Variants in TNRC6B observed in about 807,000 individuals in gnomAD.
TNRC6B encodes trinucleotide repeat containing adaptor 6B, also known as trinucleotide repeat-containing gene 6B protein.
TNRC6B carries 52 observed loss-of-function variants against 203.6 expected under a neutral mutation model. The ratio of observed to expected loss-of-function variants is 0.26; its 90% CI spans 0.20 to 0.32. The LOEUF is 0.32. Ranked by LOEUF, TNRC6B falls within the 10% of genes least tolerant of loss-of-function variation. The pLI is 1.00. For synonymous variants in TNRC6B, 838 were observed against 845.7 expected, an observed-to-expected ratio of 0.99 and a Z score of 0.16; for missense variants, 1,923 against 2,286.2, an observed-to-expected ratio of 0.84 and a Z score of 3.24.
At chr22:40,290,814 A>G (rs553250326) in intron 12 of TNRC6B, among the ~76,000 whole-genome samples, 2 of 152,268 alleles carry the variant, frequency 1.3e-5, no homozygotes, top group East Asian at 1.9e-4. Flanking sequence ...CGGTGACTAT[A>G]TATCAAGTCA....
In TNRC6B at chr22:40,105,413, A is replaced by G. The variant is rs149778826; in HGVS notation, c.-120-11642A>G. Among the ~76,000 whole-genome samples, 422 of 152,318 alleles carry G rather than the reference A, an allele frequency of 2.8e-3. 1 individual carries two copies. The highest frequency in any genetic ancestry group is 0.017 in the Middle Eastern group (5 of 292). ...TATAGCGGCCCAACAGCCCCTTCTT[A>G]GTGACCTTCACTAGTCACAGTCCTT... On this transcript the variant is annotated intron_variant, in intron 1 of 23. Coordinates refer to the TNRC6B transcript ENST00000301923.
At chr22:40,220,860 CGTT>C (rs889689440) in intron 1 of TNRC6B, among the ~76,000 whole-genome samples, 10 of 152,056 alleles carry the variant, frequency 6.6e-5, no homozygotes, top group Non-Finnish European at 5.9e-5. Flanking sequence ...AGACTGGACT[CGTT>C]GGTCTAATTT....
chr22:40,065,354 C>T (rs1255273864), intron 1 of TNRC6B, among the ~76,000 whole-genome samples: 1 of 152,078 alleles, frequency 6.6e-6, no homozygotes, highest in Non-Finnish European at 1.5e-5. Flanking sequence ...CTATTTTGCC[C>T]AGGCTGGTCT....
At position 40,132,981 on chromosome 22, in the gene TNRC6B, T is replaced by A. The variant is rs1401543577; in HGVS notation, c.45+7119T>A. On this transcript the variant is annotated intron_variant, in intron 3 of 23. Transcript: ENST00000301923. ...AAAAAAAAAAAAAAATATATATATATATATATATATTCTGTAAAATCCGGA... is the reference window on the plus strand; with the variant it reads ...AAAAAAAAAAAAAAATATATATATAAATATATATATTCTGTAAAATCCGGA... Among the ~76,000 whole-genome samples, 5 of 124,158 alleles carry A rather than the reference T, an allele frequency of 4.0e-5. 1 individual carries two copies. Among genetic ancestry groups the A allele is most frequent in the East Asian group, 2.6e-4 (1 of 3,918 alleles). The allele number at this position is 124,158 out of a possible 152,430, so 81.5% of individuals were successfully genotyped here.
intron 1 of TNRC6B, among the ~76,000 whole-genome samples, chr22:40,058,101 C>T (rs1178750202): frequency 3.3e-5 from 5 of 152,226 alleles, no homozygotes; most frequent in Admixed American, 2.0e-4. Context: ...GGCCACAATA[C>T]TTACTGATTC....
chr22:40,194,084 T>C (rs1282881241), intron 1 of TNRC6B, among the ~76,000 whole-genome samples: 1 of 152,116 alleles, frequency 6.6e-6, no homozygotes, highest in Non-Finnish European at 1.5e-5. Flanking sequence ...GCAAGGTCTT[T>C]GGAGAATGCT....
chr22:40,290,201 C>T (rs574159481), intron 12 of TNRC6B, among the ~76,000 whole-genome samples: 15 of 152,256 alleles, frequency 9.9e-5, no homozygotes, highest in Non-Finnish European at 1.8e-4. Context: ...GAAATGTGGC[C>T]GCTGGACTGG....
intron 1 of TNRC6B, among the ~76,000 whole-genome samples, chr22:40,203,873 T>C (rs140363892): frequency 1.2e-4 from 18 of 152,294 alleles, no homozygotes; most frequent in African/African-American, 3.9e-4. Flanking sequence ...GAGGAGGGTG[T>C]CCAGCATCGG....
At chr22:40,269,227 G>A (rs541871986) in intron 5 of TNRC6B, among the ~76,000 whole-genome samples, 7 of 143,638 alleles carry the variant, frequency 4.9e-5, no homozygotes, top group African/African-American at 1.3e-4. Context: ...TCCACCTCCC[G>A]GGTTCAAGTG....
intron 3 of TNRC6B, among the ~76,000 whole-genome samples, chr22:40,140,341 T>C (rs1185297460): frequency 6.6e-6 from 1 of 152,230 alleles, no homozygotes; most frequent in Non-Finnish European, 1.5e-5. Flanking sequence ...GTCAAAGAGA[T>C]GTAAGCAGGA....
chr22:40,179,057 G>A (rs1341617034), intron 1 of TNRC6B, among the ~76,000 whole-genome samples: 2 of 152,200 alleles, frequency 1.3e-5, no homozygotes, highest in South Asian at 2.1e-4. Flanking sequence ...GTGGTTGCCT[G>A]TTTCGGCCAT....
At chr22:40,240,831 G>A (rs983642660) in intron 1 of TNRC6B, among the ~76,000 whole-genome samples, 3 of 151,990 alleles carry the variant, frequency 2.0e-5, no homozygotes, top group Non-Finnish European at 4.4e-5. Flanking sequence ...TATTGTTGTT[G>A]TTTGTTTTGG....
At position 40,301,306 on chromosome 22, in the gene TNRC6B, A is replaced by C. The variant is rs2071020021; in HGVS notation, c.4093A>C (p.Lys1365Gln). ...TGTGGGGCTCCCAGACCTTCAAACC[A>C]AAGGGCCAATACCTGGATATGGTTC... ...LNVGLPDLQTKGPIPGYGSGF... is the reference protein window; with the variant it reads ...LNVGLPDLQTQGPIPGYGSGF... The change falls in exon 15 of 23, where the codon AAA becomes CAA. Residue 1365 changes from lysine (K) to glutamine (Q), a missense_variant. Lys to Gln is a moderately conservative substitution (Grantham distance 53, BLOSUM62 1). Around this residue, in one of 8 missense-constraint regions of TNRC6B, gnomAD observed 242 missense variants for 399.5 expected, o/e 0.61. Transcript: ENST00000454349. The C allele has an allele frequency of 6.2e-7, 1 of 1,606,248 alleles. No homozygotes were observed. The highest frequency in any genetic ancestry group is 8.5e-7 in the Non-Finnish European group (1 of 1,175,956).
At chr22:40,245,266 T>A (rs899152945) in intron 1 of TNRC6B, among the ~76,000 whole-genome samples, 2 of 151,870 alleles carry the variant, frequency 1.3e-5, no homozygotes, top group African/African-American at 2.4e-5. Flanking sequence ...AATTTTTGTA[T>A]TTTTAGTAGA....
At chr22:40,204,475 G>A (rs1364208344) in intron 1 of TNRC6B, among the ~76,000 whole-genome samples, 1 of 152,170 alleles carries the variant, frequency 6.6e-6, no homozygotes, top group Non-Finnish European at 1.5e-5. Context: ...ACATTTTCCT[G>A]GCTACGGGCT....
At chr22:40,058,254 C>A (rs1201865390) in intron 1 of TNRC6B, among the ~76,000 whole-genome samples, 1 of 151,976 alleles carries the variant, frequency 6.6e-6, no homozygotes, top group Non-Finnish European at 1.5e-5. Flanking sequence ...AAAACATAAA[C>A]GGTAAAAAAG....
At chr22:40,207,921 G>T (rs1012027556) in intron 1 of TNRC6B, among the ~76,000 whole-genome samples, 6 of 151,896 alleles carry the variant, frequency 4.0e-5, no homozygotes, top group African/African-American at 1.5e-4. Context: ...GACCATCCTG[G>T]CTAACACGGT....
At chr22:40,079,760 A>G (rs1034270267) in intron 1 of TNRC6B, among the ~76,000 whole-genome samples, 13 of 152,040 alleles carry the variant, frequency 8.6e-5, no homozygotes, top group Non-Finnish European at 1.9e-4. Context: ...CTGGAATTAC[A>G]GGCATGTACC....
rs2071404144 is a variant in TNRC6B, at chr22:40,326,514, G to A, written c.*3273G>A. ...AAATTGTGTGTAGTTTAATGGGAGA[G>A]TGTTTGGTGTATATAGATGAGAATG... On this transcript the variant is annotated 3_prime_UTR_variant, in exon 23 of 23. Transcript: ENST00000454349. The A allele has an allele frequency of 6.6e-6, 1 of 152,614 alleles. No homozygotes were observed. Among genetic ancestry groups the A allele is most frequent in the Non-Finnish European group, 1.5e-5 (1 of 68,024 alleles). The allele number at this position is 152,614 out of a possible 1,614,324, so 9.5% of individuals were successfully genotyped here. A position where few individuals can be genotyped will look rare whatever the true frequency, so the allele number is the denominator to read the frequency against.
Sources: allele counts gnomAD v4.1 joint callset (sites outside exome capture counted in the v4.1 genomes callset), GRCh38; gene constraint gnomAD v4.1.1; regional missense constraint gnomAD v4.1.1; transcripts MANE v1.5; gene names NCBI Gene and HGNC (gene_info 2026-07-23, HGNC 2026-07-21).